TTLL11: variants seen among roughly 807,000 people sequenced by gnomAD.
The protein encoded by TTLL11 is tubulin polyglutamylase TTLL11.
A neutral mutation model predicts 51.7 loss-of-function variants in TTLL11; 42 were observed. The observed-to-expected ratio is 0.81, with a 90% CI of 0.64 to 1.05. The LOEUF (loss-of-function observed/expected upper bound fraction) is 1.05, where lower values mean the gene tolerates loss of function less well. TTLL11 is among the 50% of genes least tolerant of loss of function. The pLI, the probability that TTLL11 is intolerant of heterozygous loss-of-function variation, is 0.00. For synonymous variants in TTLL11, 381 were observed against 383.5 expected, an observed-to-expected ratio of 0.99 and a Z score of 0.08; for missense variants, 799 against 940.4, an observed-to-expected ratio of 0.85 and a Z score of 1.97.
intron 1 of TTLL11, among the ~76,000 whole-genome samples, chr9:122,074,277 TAA>T (rs201390866): frequency 2.8e-4 from 38 of 133,362 alleles, no homozygotes; most frequent in Non-Finnish European, 2.6e-4. Context: ...TCATCTCAAT[TAA>T]AAAAAAAAAA....
At chr9:122,082,617 G>A (rs908118214) in intron 1 of TTLL11, among the ~76,000 whole-genome samples, 4 of 151,970 alleles carry the variant, frequency 2.6e-5, no homozygotes, top group Non-Finnish European at 5.9e-5. Context: ...ATATAAAATG[G>A]ACTATTAGGT....
intron 6 of TTLL11, among the ~76,000 whole-genome samples, chr9:121,966,379 C>A (rs1439515845): frequency 6.6e-6 from 1 of 152,170 alleles, no homozygotes; most frequent in Admixed American, 6.5e-5. Flanking sequence ...TTATATTACA[C>A]TGGGGTCCTG....
At chr9:121,951,193 G>A (rs1841843047) in intron 6 of TTLL11, among the ~76,000 whole-genome samples, 1 of 152,220 alleles carries the variant, frequency 6.6e-6, no homozygotes, top group South Asian at 2.1e-4. Flanking sequence ...TTACATGACA[G>A]CTTCCAGGAG....
intron 1 of TTLL11, among the ~76,000 whole-genome samples, chr9:122,085,358 T>C (rs1457756265): frequency 6.6e-6 from 1 of 152,202 alleles, no homozygotes; most frequent in Admixed American, 6.5e-5. Flanking sequence ...GAAGTATAAT[T>C]GATTTAAAAA....
intron 1 of TTLL11, among the ~76,000 whole-genome samples, chr9:122,046,635 G>A (rs1020134015): frequency 6.6e-6 from 1 of 152,068 alleles, no homozygotes; most frequent in Non-Finnish European, 1.5e-5. Context: ...CCAGTTTCCC[G>A]AGTTCTAAAT....
chr9:121,952,761 T>A (rs975961631), intron 6 of TTLL11, among the ~76,000 whole-genome samples: 1 of 152,162 alleles, frequency 6.6e-6, no homozygotes, highest in African/African-American at 2.4e-5. Context: ...CAGAGCCTGG[T>A]TCTGGTTCCC....
chr9:122,061,912 AG>A (rs1845444871), intron 1 of TTLL11, among the ~76,000 whole-genome samples: 1 of 152,168 alleles, frequency 6.6e-6, no homozygotes, highest in South Asian at 2.1e-4. Context: ...CTGGGATTAC[AG>A]GTGTGAGCCA....
chr9:121,910,528 A>T (rs1454059789), intron 6 of TTLL11, among the ~76,000 whole-genome samples: 1 of 152,240 alleles, frequency 6.6e-6, no homozygotes, highest in Non-Finnish European at 1.5e-5. Context: ...ACAGTGATGC[A>T]TCATTACAGC....
chr9:121,997,611 AGATCTC>A (rs1415263493), intron 3 of TTLL11, among the ~76,000 whole-genome samples: 65 of 152,306 alleles, frequency 4.3e-4, no homozygotes, highest in African/African-American at 1.5e-3. Flanking sequence ...ACCTGGGTTC[AGATCTC>A]AGCTCAGCCA....
At chr9:121,881,818 G>T (rs1315394100) in intron 6 of TTLL11, among the ~76,000 whole-genome samples, 1 of 152,084 alleles carries the variant, frequency 6.6e-6, no homozygotes, top group African/African-American at 2.4e-5. Flanking sequence ...CCCTCCTTTG[G>T]GCCAGAGACT....
At chr9:121,887,686 G>A (rs573686475) in intron 6 of TTLL11, among the ~76,000 whole-genome samples, 1 of 152,350 alleles carries the variant, frequency 6.6e-6, no homozygotes, top group East Asian at 1.9e-4. Flanking sequence ...GAGGAGAGCT[G>A]GGACACTTTC....
intron 8 of TTLL11, among the ~76,000 whole-genome samples, chr9:121,845,551 A>G (rs1045854431): frequency 1.3e-5 from 2 of 152,314 alleles, no homozygotes; most frequent in Admixed American, 6.5e-5. Context: ...ATAATTGTTC[A>G]AAGTAATAAT....
At chr9:121,886,261 C>G (rs1588095032) in intron 6 of TTLL11, among the ~76,000 whole-genome samples, 2 of 152,148 alleles carry the variant, frequency 1.3e-5, no homozygotes, top group African/African-American at 4.8e-5. Flanking sequence ...ACACTGTCCC[C>G]CAGAAGATAT....
At chr9:122,037,560 G>A (rs1470568871) in intron 2 of TTLL11, among the ~76,000 whole-genome samples, 3 of 152,134 alleles carry the variant, frequency 2.0e-5, no homozygotes, top group Non-Finnish European at 4.4e-5. Flanking sequence ...TTCTGAGTGC[G>A]ATGATTCTTG....
chr9:122,053,349 G>C (rs1287239434), intron 1 of TTLL11, among the ~76,000 whole-genome samples: 1 of 152,156 alleles, frequency 6.6e-6, no homozygotes. Context: ...AGGAAGAGAC[G>C]AAGGGAAATC....
intron 6 of TTLL11, among the ~76,000 whole-genome samples, chr9:121,971,534 C>T (rs1842576905): frequency 1.4e-5 from 2 of 140,514 alleles, no homozygotes; most frequent in East Asian, 4.1e-4. Flanking sequence ...AAGTGAGGAG[C>T]CCCTCTGCCC....
intron 3 of TTLL11, among the ~76,000 whole-genome samples, chr9:122,009,305 CA>C (rs1486218906): frequency 2.0e-5 from 3 of 151,974 alleles, no homozygotes; most frequent in Admixed American, 6.6e-5. Context: ...TAAATACATA[CA>C]TTTTTTATTT....
chr9:121,949,343 A>G (rs771076141), intron 6 of TTLL11, among the ~76,000 whole-genome samples: 2 of 152,178 alleles, frequency 1.3e-5, no homozygotes, highest in Non-Finnish European at 2.9e-5. Context: ...TTCAACAAAC[A>G]TTTACTATTC....
intron 6 of TTLL11, among the ~76,000 whole-genome samples, chr9:121,935,236 C>A (rs1007940966): frequency 6.6e-6 from 1 of 152,096 alleles, no homozygotes; most frequent in Admixed American, 6.6e-5. Flanking sequence ...GGATTACAAG[C>A]GTGAGCCACC....
Sources: gnomAD v4.1 joint callset for allele counts (sites outside exome capture counted in the v4.1 genomes callset) on GRCh38, gnomAD v4.1.1 for gene constraint, MANE v1.5 for transcripts, NCBI Gene and HGNC (gene_info 2026-07-23, HGNC 2026-07-21) for gene names.